PRIM2: variants seen among roughly 807,000 people sequenced by gnomAD.
PRIM2 encodes the protein DNA primase subunit 2, also known as DNA primase large subunit.
Under a neutral mutation model 67.3 loss-of-function variants are expected in PRIM2, and 39 were observed. That is an observed-to-expected ratio of 0.58 (90% CI 0.45 to 0.76). The LOEUF (loss-of-function observed/expected upper bound fraction) is 0.76. Ranked by LOEUF, PRIM2 falls within the 30% of genes least tolerant of loss-of-function variation. The pLI, the probability that PRIM2 is intolerant of heterozygous loss-of-function variation, is 0.00. For missense variants in PRIM2, 398 were observed against 598.7 expected (o/e 0.66, Z 3.50); for synonymous variants, 143 against 198.7 (o/e 0.72, Z 2.36).
the PRIM2 span, among the ~76,000 whole-genome samples, chr6:57,249,490 C>T: frequency 6.6e-6 from 1 of 152,110 alleles, no homozygotes; most frequent in Non-Finnish European, 1.5e-5. Context: ...GCCTGTAATC[C>T]CAGCACTTTG....
At chr6:57,438,222 A>G (rs1772078337) in intron 7 of PRIM2, among the ~76,000 whole-genome samples, 2 of 152,136 alleles carry the variant, frequency 1.3e-5, no homozygotes, top group South Asian at 2.1e-4. Flanking sequence ...ACTTTTTAAT[A>G]TTGTATCTGT....
intron 7 of PRIM2, among the ~76,000 whole-genome samples, chr6:57,475,999 A>T (rs1402864603): frequency 6.6e-6 from 1 of 151,970 alleles, no homozygotes; most frequent in Admixed American, 6.6e-5. Flanking sequence ...CCTGACTCCT[A>T]GGTCAGTGTT....
At position 57,631,891 on chromosome 6, in the gene PRIM2, G is replaced by C. The variant is rs1392159309; in HGVS notation, c.1231-242G>C. On this transcript the variant is annotated intron_variant, in intron 12 of 13. Coordinates refer to ENST00000615550, the MANE Select transcript of PRIM2 (RefSeq NM_000947.5). ...TGAGGTAAAGTTATTAAAATGTACA[G>C]TTGGTAGGTCAGAAAGATCACTGTC... is the stretch of plus-strand genomic sequence containing the variant. Among the ~76,000 whole-genome samples the C allele has an allele frequency of 3.3e-5, 5 of 152,302 alleles. No homozygotes were observed. In the East Asian group the frequency reaches 9.6e-4, roughly 29 times the overall value.
chr6:57,507,654 T>G (rs1161899778), intron 8 of PRIM2, among the ~76,000 whole-genome samples, 200 bp downstream of exon 8: 1 of 152,198 alleles, frequency 6.6e-6, no homozygotes, highest in Non-Finnish European at 1.5e-5. Context: ...GAAAGCTCTT[T>G]TAATTCAACA....
chr6:57,546,337 A>T (rs1261464892), intron 10 of PRIM2, among the ~76,000 whole-genome samples: 1 of 152,202 alleles, frequency 6.6e-6, no homozygotes, highest in African/African-American at 2.4e-5. Flanking sequence ...CCAAAACACG[A>T]TGGTAAAAAG....
At chr6:57,316,313 G>A (rs1229566403), upstream of PRIM2, among the ~76,000 whole-genome samples, 3 of 152,210 alleles carry the variant, frequency 2.0e-5, no homozygotes, top group Admixed American at 1.3e-4. Flanking sequence ...TTGGGAGGCT[G>A]AGGCAGGAGA....
At chr6:57,338,353 T>C (rs1768342522) in intron 5 of PRIM2, among the ~76,000 whole-genome samples, 1 of 152,138 alleles carries the variant, frequency 6.6e-6, no homozygotes. Flanking sequence ...CCCTAACTCA[T>C]TTTATGAGGC....
intron 10 of PRIM2, among the ~76,000 whole-genome samples, chr6:57,599,758 G>T (rs1292184084): frequency 4.7e-4 from 72 of 152,336 alleles, no homozygotes; most frequent in African/African-American, 1.7e-3. Context: ...CATTAGGAAG[G>T]CTATCAACCC....
At position 57,568,414 on chromosome 6, in the gene PRIM2, G is replaced by A. The variant is rs1221889363; in HGVS notation, c.1020+30789G>A. ...GAGGTAGGAAGAGCTGCCATCTGAAGAACTGTGGGTTTGCAGGCTTCTGTG... is the reference window on the plus strand; with the variant it reads ...GAGGTAGGAAGAGCTGCCATCTGAAAAACTGTGGGTTTGCAGGCTTCTGTG... On this transcript the variant is annotated intron_variant, in intron 10 of 13. Transcript: ENST00000615550. Among the ~76,000 whole-genome samples, 48 of 152,268 alleles carry A rather than the reference G, an allele frequency of 3.2e-4. 1 individual carries two copies. Among genetic ancestry groups the A allele is most frequent in the African/African-American group, 1.1e-3 (45 of 41,546 alleles).
At chr6:57,270,144 G>T in the PRIM2 span, among the ~76,000 whole-genome samples, 1 of 151,980 alleles carries the variant, frequency 6.6e-6, no homozygotes, top group African/African-American at 2.4e-5. Flanking sequence ...GAACTTTAAA[G>T]TAGTTTTTTC....
At chr6:57,327,145 A>T (rs9475842) in intron 5 of PRIM2, among the ~76,000 whole-genome samples, 5 of 151,614 alleles carry the variant, frequency 3.3e-5, no homozygotes, top group African/African-American at 1.2e-4. Flanking sequence ...CAGGTGATAC[A>T]CCCGCCTCGG....
At chr6:57,418,008 T>C (rs1257070746) in intron 7 of PRIM2, among the ~76,000 whole-genome samples, 1 of 152,186 alleles carries the variant, frequency 6.6e-6, no homozygotes, top group African/African-American at 2.4e-5. Context: ...CAGGAATATA[T>C]CCTAATTGCA....
intron 7 of PRIM2, among the ~76,000 whole-genome samples, chr6:57,457,872 C>T (rs1272714649): frequency 4.6e-5 from 7 of 152,206 alleles, no homozygotes; most frequent in Admixed American, 6.5e-5. Flanking sequence ...CCATCTTCTG[C>T]GTTGCTCACG....
At chr6:57,419,591 G>C (rs1438455178) in intron 7 of PRIM2, among the ~76,000 whole-genome samples, 1 of 152,068 alleles carries the variant, frequency 6.6e-6, no homozygotes, top group African/African-American at 2.4e-5. Flanking sequence ...CAAATACTCT[G>C]AGCTAGAGAC....
rs11315818 is a variant in PRIM2 at position 57,437,662 on chromosome 6, CTTTTTTT to C, written c.693+55509_693+55515del. ...TAACAAAGATCCTTGGGAAGGATTC[CTTTTTTT>C]TTTTTTTTTTTTTTAAGACAGGGTC... On this transcript the variant is annotated intron_variant, in intron 7 of 13. Coordinates refer to ENST00000615550, the MANE Select transcript of PRIM2 (RefSeq NM_000947.5). Among the ~76,000 whole-genome samples the C allele has an allele frequency of 2.6e-3, 328 of 128,338 alleles. 7 individuals are homozygous for C. The highest frequency in any genetic ancestry group is 4.1e-3 in the Middle Eastern group (1 of 244). 84.2% of individuals were successfully genotyped at this position (128,338 alleles called of 152,430 possible). A position where few individuals can be genotyped will look rare whatever the true frequency, so the allele number is the denominator to read the frequency against.
the PRIM2 span, among the ~76,000 whole-genome samples, chr6:57,254,428 T>C: frequency 1.3e-5 from 2 of 152,214 alleles, no homozygotes; most frequent in African/African-American, 4.8e-5. Flanking sequence ...ACCTACTCTT[T>C]GAGCACAAGG....
At chr6:57,301,868 A>T in the PRIM2 span, among the ~76,000 whole-genome samples, 1 of 152,154 alleles carries the variant, frequency 6.6e-6, no homozygotes, top group African/African-American at 2.4e-5. Flanking sequence ...CTAACAATAA[A>T]CCTGCAGATT....
intron 7 of PRIM2, among the ~76,000 whole-genome samples, chr6:57,488,280 T>A (rs1383160323): frequency 1.3e-5 from 2 of 152,350 alleles, no homozygotes; most frequent in East Asian, 3.9e-4. Flanking sequence ...CTAGAATGAA[T>A]GGCCAATAAG....
At chr6:57,463,086 G>A (rs1413828999) in intron 7 of PRIM2, among the ~76,000 whole-genome samples, 2 of 152,146 alleles carry the variant, frequency 1.3e-5, no homozygotes, top group African/African-American at 2.4e-5. Flanking sequence ...TAAATAAATG[G>A]GATCTTCTAA....
Sources: gnomAD v4.1 joint callset for allele counts (sites outside exome capture counted in the v4.1 genomes callset) on GRCh38, gnomAD v4.1.1 for gene constraint, MANE v1.5 for transcripts, NCBI Gene and HGNC (gene_info 2026-07-23, HGNC 2026-07-21) for gene names.